Variants in PRKN observed in about 807,000 individuals in gnomAD.
The protein encoded by PRKN is E3 ubiquitin-protein ligase parkin.
In PRKN, 56 loss-of-function variants were observed where a neutral mutation model predicts 59.5. The ratio of observed to expected loss-of-function variants is 0.94; its 90% confidence interval spans 0.76 to 1.18. The LOEUF (loss-of-function observed/expected upper bound fraction) is 1.18, where lower values mean the gene tolerates loss of function less well. Among genes scored for constraint, PRKN ranks in the 50% most tolerant of loss-of-function variants. The pLI, the probability that PRKN is intolerant of heterozygous loss-of-function variation, is 0.00. For synonymous variants in PRKN, 250 were observed against 222.1 expected (o/e 1.13, Z -1.12); for missense variants, 657 against 596.4 (o/e 1.10, Z -1.06).
chr6:162,562,285 C>T (rs372780530), intron 1 of PRKN, among the ~76,000 whole-genome samples: 3 of 152,126 alleles, frequency 2.0e-5, no homozygotes, highest in Admixed American at 6.5e-5. Context: ...TCACGAATAA[C>T]CAGCAGCAAT....
At chr6:162,690,289 T>C (rs1054537896) in intron 1 of PRKN, among the ~76,000 whole-genome samples, 3 of 152,174 alleles carry the variant, frequency 2.0e-5, no homozygotes, top group African/African-American at 7.2e-5. Context: ...ACCGATTCTA[T>C]GGAGAAACCA....
intron 3 of PRKN, among the ~76,000 whole-genome samples, chr6:162,223,885 T>G (rs559528557): frequency 6.6e-6 from 1 of 152,246 alleles, no homozygotes; most frequent in East Asian, 1.9e-4. Context: ...ATAGGAATCA[T>G]ATGAGATAAA....
Position 162,001,485 on chromosome 6 carries a change from T to C in PRKN, c.619-28068A>G, listed in dbSNP as rs1305567365. 4.0e-5 allele frequency among the ~76,000 whole-genome samples: 6 copies of C among 151,842 alleles called. No homozygotes were observed. In the East Asian group the frequency reaches 1.2e-3, roughly 29 times the overall value. ...TGGTACAGAGGGAAGCAATTGACGTTTGCACATTAAACCTGTATCCTGCAA... is the reference window on the plus strand; with the variant it reads ...TGGTACAGAGGGAAGCAATTGACGTCTGCACATTAAACCTGTATCCTGCAA... On this transcript the variant is annotated intron_variant, in intron 5 of 11. Coordinates refer to ENST00000366898, the MANE Select transcript of PRKN (RefSeq NM_004562.3).
chr6:162,395,054 T>C (rs796264541), intron 2 of PRKN, among the ~76,000 whole-genome samples: 43 of 152,178 alleles, frequency 2.8e-4, no homozygotes, highest in African/African-American at 9.2e-4. Context: ...ATTTAAAAGA[T>C]ATACTATCTC....
At chr6:162,306,615 C>T (rs1782239564) in intron 2 of PRKN, among the ~76,000 whole-genome samples, 1 of 152,202 alleles carries the variant, frequency 6.6e-6, no homozygotes, top group African/African-American at 2.4e-5. Flanking sequence ...ATATGCTCAG[C>T]TGCACACAAC....
chr6:161,651,198 G>A (rs1410087297), intron 7 of PRKN, among the ~76,000 whole-genome samples: 1 of 152,256 alleles, frequency 6.6e-6, no homozygotes, highest in East Asian at 1.9e-4. Flanking sequence ...GTCTGTGTTT[G>A]GAATGTACTA....
intron 1 of PRKN, among the ~76,000 whole-genome samples, chr6:162,720,490 C>A (rs1778900981): frequency 1.5e-5 from 2 of 137,760 alleles, no homozygotes; most frequent in South Asian, 4.6e-4. Flanking sequence ...GTCGCCCAGG[C>A]CGGACTGCGG....
At chr6:161,540,891 A>C (rs1779593070) in intron 9 of PRKN, among the ~76,000 whole-genome samples, 1 of 151,660 alleles carries the variant, frequency 6.6e-6, no homozygotes, top group African/African-American at 2.4e-5. Context: ...CTGTACCCCA[A>C]CTCCTGCCCT....
intron 7 of PRKN, among the ~76,000 whole-genome samples, chr6:161,757,441 G>A (rs547194203): frequency 1.4e-4 from 22 of 151,764 alleles, no homozygotes; most frequent in African/African-American, 4.6e-4. Context: ...CAGCCTGAAC[G>A]ACAGAGACTC....
chr6:161,634,228 G>A (rs1183972728), intron 7 of PRKN, among the ~76,000 whole-genome samples: 1 of 152,174 alleles, frequency 6.6e-6, no homozygotes, highest in Admixed American at 6.5e-5. Flanking sequence ...AGGTCTGGAT[G>A]AGCTGAATAA....
intron 2 of PRKN, among the ~76,000 whole-genome samples, chr6:162,380,943 A>G (rs1786449102): frequency 6.6e-6 from 1 of 152,044 alleles, no homozygotes; most frequent in Non-Finnish European, 1.5e-5. Flanking sequence ...CACATGGGAG[A>G]GTCCAGCGAC....
At chr6:162,649,562 T>C (rs563661144) in intron 1 of PRKN, among the ~76,000 whole-genome samples, 88 of 152,094 alleles carry the variant, frequency 5.8e-4, no homozygotes, top group African/African-American at 2.1e-3. Flanking sequence ...AACAGACTTG[T>C]AGATTCAGAG....
chr6:161,658,303 T>C (rs1274676479), intron 7 of PRKN, among the ~76,000 whole-genome samples: 1 of 152,258 alleles, frequency 6.6e-6, no homozygotes, highest in East Asian at 1.9e-4. Context: ...GAAGTGTTGG[T>C]CAATTATTAC....
intron 1 of PRKN, among the ~76,000 whole-genome samples, chr6:162,671,684 G>C (rs925913604): frequency 2.6e-5 from 4 of 151,756 alleles, no homozygotes; most frequent in Non-Finnish European, 5.9e-5. Context: ...AATATCTGCT[G>C]TGTACTTCTC....
intron 6 of PRKN, among the ~76,000 whole-genome samples, chr6:161,967,229 CAT>C (rs1780615809): frequency 1.3e-5 from 2 of 152,336 alleles, no homozygotes; most frequent in South Asian, 2.1e-4. Context: ...ATGAGTCACA[CAT>C]GTCTCTTATA....
At chr6:162,531,543 C>T (rs1006723530) in intron 1 of PRKN, among the ~76,000 whole-genome samples, 1 of 151,980 alleles carries the variant, frequency 6.6e-6, no homozygotes, top group Admixed American at 6.6e-5. Context: ...AGCTGTCTTC[C>T]TGCATTCAGT....
chr6:162,091,763 G>A (rs1779505435), intron 4 of PRKN, among the ~76,000 whole-genome samples: 1 of 152,168 alleles, frequency 6.6e-6, no homozygotes, highest in African/African-American at 2.4e-5. Flanking sequence ...CCAGACAAAT[G>A]CCGTGACTCA....
At chr6:162,115,060 G>A (rs1377578169) in intron 4 of PRKN, among the ~76,000 whole-genome samples, 1 of 151,946 alleles carries the variant, frequency 6.6e-6, no homozygotes, top group African/African-American at 2.4e-5. Context: ...GTTTATTGCG[G>A]CATTATTCAC....
At chr6:162,217,147 A>G (rs1223508825) in intron 3 of PRKN, among the ~76,000 whole-genome samples, 1 of 152,156 alleles carries the variant, frequency 6.6e-6, no homozygotes, top group African/African-American at 2.4e-5. Flanking sequence ...TATCAGAAAA[A>G]CTGTAAAAAG....
Sources: allele counts gnomAD v4.1 joint callset (sites outside exome capture counted in the v4.1 genomes callset), GRCh38; gene constraint gnomAD v4.1.1; transcripts MANE v1.5; gene names NCBI Gene and HGNC (gene_info 2026-07-23, HGNC 2026-07-21).